AIG1: variants seen among roughly 807,000 people sequenced by gnomAD.
AIG1 encodes androgen induced 1.
A neutral mutation model predicts 31.4 loss-of-function variants in AIG1; 23 were observed. The observed-to-expected ratio is 0.73, with a 90% CI of 0.53 to 1.04. AIG1 has a LOEUF of 1.04. Ranked by LOEUF, AIG1 falls within the 50% of genes least tolerant of loss-of-function variation. The pLI is 0.00. For missense variants in AIG1, 274 were observed against 295.0 expected, an observed-to-expected ratio of 0.93 and a Z score of 0.52; for synonymous variants, 100 against 110.5, an observed-to-expected ratio of 0.90 and a Z score of 0.60.
At chr6:143,158,971 C>G (rs1317845991) in intron 2 of AIG1, among the ~76,000 whole-genome samples, 2 of 152,190 alleles carry the variant, frequency 1.3e-5, no homozygotes, top group Non-Finnish European at 2.9e-5. Flanking sequence ...ACTTCACTTT[C>G]TCATAGAAGA....
chr6:143,191,434 T>C (rs1240116519), intron 3 of AIG1, among the ~76,000 whole-genome samples: 1 of 152,170 alleles, frequency 6.6e-6, no homozygotes, highest in Non-Finnish European at 1.5e-5. Context: ...TGAAACAAAA[T>C]ATAAATCTTT....
intron 1 of AIG1, among the ~76,000 whole-genome samples, chr6:143,085,573 T>C (rs1347743983): frequency 6.6e-6 from 1 of 152,186 alleles, no homozygotes; most frequent in African/African-American, 2.4e-5. Context: ...TCCATCAAGA[T>C]GCATTCCCAT....
rs561951960 is a variant in AIG1, at chr6:143,298,445, T to A, written c.515+14220T>A. Among the ~76,000 whole-genome samples, 7 of 152,352 alleles carry A rather than the reference T, an allele frequency of 4.6e-5. No individual in the cohort carries two copies. The South Asian group carries it at 1.4e-3, about 32-fold the overall frequency. ...AGAAATAGTTAATATGAATACAAGG[T>A]GAAACAGTGCTATTTGCCTATCAGA... On this transcript the variant is annotated intron_variant, in intron 4 of 5. Transcript: ENST00000357847. The surrounding 1 kb of genome is among the most constrained non-coding windows in gnomAD (Gnocchi z 5.1).
At position 143,274,234 on chromosome 6, in the gene AIG1, TG is replaced by T. The variant is rs148398732; in HGVS notation, c.400-9874del. Among the ~76,000 whole-genome samples the T allele has an allele frequency of 4.1e-3, 625 of 152,320 alleles. 1 individual carries two copies. Among genetic ancestry groups the T allele is most frequent in the African/African-American group, 0.014 (587 of 41,572 alleles). On this transcript the variant is annotated intron_variant, in intron 3 of 5. Transcript: ENST00000357847. Reference sequence around the variant, plus strand: ...CCATTCTTTTATCCTTCGGTTGTCCTGGTGCTCCATAGGCAGCAGAGCACTG... The same window carrying T: ...CCATTCTTTTATCCTTCGGTTGTCCTGTGCTCCATAGGCAGCAGAGCACTG...
At chr6:143,216,347 C>T (rs1415926131) in intron 3 of AIG1, among the ~76,000 whole-genome samples, 1 of 152,178 alleles carries the variant, frequency 6.6e-6, no homozygotes, top group Non-Finnish European at 1.5e-5. Flanking sequence ...ATAAATGGGA[C>T]AGTCATCAGG....
intron 3 of AIG1, chr6:143,189,633 T>C (rs1418841805): frequency 1.0e-6 from 1 of 985,290 alleles, no homozygotes; most frequent in Non-Finnish European, 1.2e-6. Context: ...TCTTTTTTGA[T>C]GTGTCTTAAA....
At position 143,333,240 on chromosome 6, in the gene AIG1, A is replaced by AGCTTT; in HGVS notation, c.516-41_516-40insCTTTG. ...CATAGCAGCTTTGATGCCTGCCATA[A>AGCTTT]GAGTGACTCCTGTCCTTGTCTCCTT... On this transcript the variant is annotated intron_variant, in intron 4 of 5. Transcript: ENST00000357847. The surrounding 1 kb of genome is among the most constrained non-coding windows in gnomAD (Gnocchi z 4.6). 1 of 1,554,032 alleles carries AGCTTT rather than the reference A, an allele frequency of 6.4e-7. No homozygotes were observed. The highest frequency in any genetic ancestry group is 8.7e-7 in the Non-Finnish European group (1 of 1,150,360).
intron 3 of AIG1, among the ~76,000 whole-genome samples, chr6:143,237,917 C>T (rs1245745228): frequency 6.6e-6 from 1 of 152,106 alleles, no homozygotes; most frequent in Non-Finnish European, 1.5e-5. Context: ...AACAGTGTCA[C>T]CAAAGACCCA....
chr6:143,061,831 T>C (rs769610030), intron 1 of AIG1, among the ~76,000 whole-genome samples: 17 of 152,210 alleles, frequency 1.1e-4, no homozygotes, highest in Non-Finnish European at 1.8e-4. Flanking sequence ...TTTCTGGCAC[T>C]AAAAGGCCCT....
intron 3 of AIG1, among the ~76,000 whole-genome samples, chr6:143,185,718 TC>T (rs1463007176): frequency 2.8e-4 from 42 of 152,310 alleles, no homozygotes; most frequent in African/African-American, 1.0e-3. Context: ...CTCTGCATAT[TC>T]CATTATCTGG....
At chr6:143,274,832 C>T (rs563313120) in intron 3 of AIG1, among the ~76,000 whole-genome samples, 2 of 152,158 alleles carry the variant, frequency 1.3e-5, no homozygotes, top group East Asian at 1.9e-4. Flanking sequence ...TCCTTCATTT[C>T]GTCATGTATA....
At chr6:143,068,180 A>G (rs1343043801) in intron 1 of AIG1, among the ~76,000 whole-genome samples, 3 of 152,230 alleles carry the variant, frequency 2.0e-5, no homozygotes, top group Non-Finnish European at 4.4e-5. Flanking sequence ...GTCTGGTATA[A>G]CATTTGGCAA....
chr6:143,248,845 T>C (rs1049368076), intron 3 of AIG1, among the ~76,000 whole-genome samples: 4 of 152,148 alleles, frequency 2.6e-5, no homozygotes, highest in Non-Finnish European at 5.9e-5. Context: ...GCACAGCAAA[T>C]GTCAAGAATA....
intron 3 of AIG1, among the ~76,000 whole-genome samples, chr6:143,183,438 C>T (rs1031545603): frequency 6.6e-6 from 1 of 152,218 alleles, no homozygotes; most frequent in Admixed American, 6.5e-5. Flanking sequence ...TCATGATCCG[C>T]TTGACTTGGC....
intron 4 of AIG1, among the ~76,000 whole-genome samples, chr6:143,303,707 G>C (rs1303311750): frequency 2.0e-5 from 3 of 147,654 alleles, no homozygotes; most frequent in Non-Finnish European, 4.5e-5. Flanking sequence ...TTGGCGATGC[G>C]GGCTCTTTTT....
chr6:143,209,633 T>C (rs546296397), intron 3 of AIG1, among the ~76,000 whole-genome samples: 1 of 152,300 alleles, frequency 6.6e-6, no homozygotes, highest in African/African-American at 2.4e-5. Flanking sequence ...CCCTTAGAGC[T>C]TCCAGAAGGA....
chr6:143,100,895 G>A (rs974205789), intron 1 of AIG1, among the ~76,000 whole-genome samples: 9 of 152,168 alleles, frequency 5.9e-5, no homozygotes, highest in South Asian at 4.2e-4. Context: ...ATGTTGGCCA[G>A]GCTGGTCTCA....
intron 3 of AIG1, among the ~76,000 whole-genome samples, chr6:143,226,166 A>T (rs1202490220): frequency 3.3e-5 from 5 of 152,116 alleles, no homozygotes; most frequent in Non-Finnish European, 5.9e-5. Context: ...GTGCTCAGGT[A>T]TAATGACAAG....
At chr6:143,239,993 A>G (rs1314491029) in intron 3 of AIG1, among the ~76,000 whole-genome samples, 1 of 152,254 alleles carries the variant, frequency 6.6e-6, no homozygotes, top group Non-Finnish European at 1.5e-5. Flanking sequence ...ACTATTACCT[A>G]AAGCCCATCT....
Sources: gnomAD v4.1 joint callset for allele counts (sites outside exome capture counted in the v4.1 genomes callset) on GRCh38, gnomAD v4.1.1 for gene constraint, Gnocchi (gnomAD v3.1) non-coding constraint, MANE v1.5 for transcripts, NCBI Gene and HGNC (gene_info 2026-07-23, HGNC 2026-07-21) for gene names.